SLC10A7: variants seen among roughly 807,000 people sequenced by gnomAD.
The protein encoded by SLC10A7 is solute carrier family 10 member 7, also known as sodium/bile acid cotransporter 7.
In SLC10A7, 29 loss-of-function variants were observed where a neutral mutation model predicts 43.2. The ratio of observed to expected loss-of-function variants is 0.67; its 90% confidence interval spans 0.50 to 0.92. The LOEUF is 0.92. SLC10A7 is among the 40% of genes least tolerant of loss of function. The pLI is 0.00. For missense variants in SLC10A7, 295 were observed against 403.2 expected (o/e 0.73, Z 2.30); for synonymous variants, 152 against 144.8 (o/e 1.05, Z -0.35).
intron 5 of SLC10A7, among the ~76,000 whole-genome samples, chr4:146,418,254 C>T (rs1728715497): frequency 6.6e-6 from 1 of 152,096 alleles, no homozygotes; most frequent in Non-Finnish European, 1.5e-5. Context: ...GATTCCATTG[C>T]TAATAATTAT....
At chr4:146,470,940 A>T (rs1332535903) in intron 4 of SLC10A7, among the ~76,000 whole-genome samples, 1 of 152,232 alleles carries the variant, frequency 6.6e-6, no homozygotes, top group Non-Finnish European at 1.5e-5. Flanking sequence ...TTCATGCAAT[A>T]GGTACAATGC....
intron 9 of SLC10A7, among the ~76,000 whole-genome samples, chr4:146,292,558 G>T (rs929321529): frequency 5.9e-5 from 9 of 152,188 alleles, no homozygotes; most frequent in Non-Finnish European, 1.3e-4. Context: ...TGAGTCTAAG[G>T]TCTTGTTAAG....
chr4:146,378,899 A>T (rs2630290), intron 5 of SLC10A7, among the ~76,000 whole-genome samples: 2 of 152,080 alleles, frequency 1.3e-5, no homozygotes, highest in African/African-American at 4.8e-5. Flanking sequence ...GATAATCTGC[A>T]AAGCAGATAA....
At chr4:146,372,112 A>C (rs1056211061) in intron 5 of SLC10A7, among the ~76,000 whole-genome samples, 1 of 152,120 alleles carries the variant, frequency 6.6e-6, no homozygotes, top group Non-Finnish European at 1.5e-5. Flanking sequence ...CTAAACCTAG[A>C]GACTCTTATT....
intron 10 of SLC10A7, among the ~76,000 whole-genome samples, chr4:146,261,973 C>T (rs973892392): frequency 5.3e-5 from 8 of 152,178 alleles, no homozygotes; most frequent in African/African-American, 1.9e-4. Context: ...CTGAAAGATG[C>T]TAGAAGGCCC....
chr4:146,345,162 C>A (rs999515920), intron 5 of SLC10A7, among the ~76,000 whole-genome samples: 46 of 152,114 alleles, frequency 3.0e-4, no homozygotes, highest in Non-Finnish European at 1.0e-4. Context: ...GAGGGATAAA[C>A]AGTGACGTGG....
At chr4:146,423,799 C>T (rs1560893980) in intron 5 of SLC10A7, among the ~76,000 whole-genome samples, 1 of 152,102 alleles carries the variant, frequency 6.6e-6, no homozygotes, top group East Asian at 1.9e-4. Flanking sequence ...CCATTCCTTC[C>T]ATGAAATGAT....
chr4:146,500,687 T>C (rs533804744), intron 4 of SLC10A7, among the ~76,000 whole-genome samples: 16 of 152,298 alleles, frequency 1.1e-4, no homozygotes, highest in African/African-American at 3.8e-4. Context: ...TAAAAAAATT[T>C]CTACCCCACA....
chr4:146,390,403 C>T (rs1738339668), intron 5 of SLC10A7, among the ~76,000 whole-genome samples: 1 of 152,104 alleles, frequency 6.6e-6, no homozygotes, highest in Non-Finnish European at 1.5e-5. Context: ...CCAAGGCGGT[C>T]AGACTGCTTG....
At chr4:146,366,356 A>G (rs541365807) in intron 5 of SLC10A7, among the ~76,000 whole-genome samples, 1 of 152,208 alleles carries the variant, frequency 6.6e-6, no homozygotes, top group Non-Finnish European at 1.5e-5. Context: ...ATTAATATTC[A>G]TACTTAATGA....
chr4:146,491,142 C>T (rs1371332315), intron 4 of SLC10A7, among the ~76,000 whole-genome samples: 1 of 152,082 alleles, frequency 6.6e-6, no homozygotes, highest in African/African-American at 2.4e-5. Context: ...TTGAGCTGGG[C>T]CTTGACTGAT....
At chr4:146,269,245 T>C (rs1728751114) in intron 10 of SLC10A7, among the ~76,000 whole-genome samples, 1 of 152,228 alleles carries the variant, frequency 6.6e-6, no homozygotes. Context: ...AATGAAAGAT[T>C]TAACTCTACC....
At chr4:146,372,453 CAAAAAAAAAAAA>C (rs3042366) in intron 5 of SLC10A7, among the ~76,000 whole-genome samples, 2 of 117,014 alleles carry the variant, frequency 1.7e-5, no homozygotes, top group Admixed American at 8.7e-5. Context: ...AACCCTGTTT[CAAAAAAAAAAAA>C]AAAAAAAATG....
At chr4:146,414,655 G>A (rs1013522514) in intron 5 of SLC10A7, among the ~76,000 whole-genome samples, 1 of 151,942 alleles carries the variant, frequency 6.6e-6, no homozygotes, top group African/African-American at 2.4e-5. Flanking sequence ...CCCAGGAGAC[G>A]GAGGTTGCAG....
chr4:146,469,088 GCA>G (rs2149958396), intron 4 of SLC10A7, among the ~76,000 whole-genome samples: 1 of 152,220 alleles, frequency 6.6e-6, no homozygotes, highest in South Asian at 2.1e-4. Flanking sequence ...CAGAAGGAGA[GCA>G]CAGTCACTGG....
At chr4:146,426,175 C>G (rs1729340106) in intron 5 of SLC10A7, among the ~76,000 whole-genome samples, 1 of 152,150 alleles carries the variant, frequency 6.6e-6, no homozygotes, top group African/African-American at 2.4e-5. Flanking sequence ...TTTTTCCTGA[C>G]AATCAGGTGC....
intron 4 of SLC10A7, among the ~76,000 whole-genome samples, chr4:146,461,630 T>C (rs2884091): frequency 2.6e-5 from 4 of 152,050 alleles, no homozygotes; most frequent in South Asian, 2.1e-4. Flanking sequence ...CCAGCTTTGG[T>C]TGGCTTACTC....
chr4:146,517,515 C>A (rs1008629109), intron 1 of SLC10A7, among the ~76,000 whole-genome samples: 25 of 152,046 alleles, frequency 1.6e-4, no homozygotes, highest in Non-Finnish European at 7.4e-5. Context: ...TGCAGGACAA[C>A]AAATGGTACT....
chr4:146,406,318 C>T (rs1251179731), intron 5 of SLC10A7, among the ~76,000 whole-genome samples: 3 of 152,204 alleles, frequency 2.0e-5, no homozygotes, highest in Admixed American at 6.5e-5. Flanking sequence ...GAACTCTTGG[C>T]TCTAGAGCAA....
Sources: gnomAD v4.1 joint callset for allele counts (sites outside exome capture counted in the v4.1 genomes callset) on GRCh38, gnomAD v4.1.1 for gene constraint, MANE v1.5 for transcripts, NCBI Gene and HGNC (gene_info 2026-07-23, HGNC 2026-07-21) for gene names.